The following SLC25A28 variants were observed in gnomAD, a reference collection of about 807,000 sequenced individuals.
The protein encoded by SLC25A28 is solute carrier family 25 member 28.
A neutral mutation model predicts 31.9 loss-of-function variants in SLC25A28; 10 were observed. The observed-to-expected ratio is 0.31, with a 90% CI of 0.19 to 0.53. The LOEUF is 0.53. SLC25A28 is among the 20% of genes least tolerant of loss of function. The pLI is 0.95. For missense variants in SLC25A28, 256 were observed against 490.3 expected (o/e 0.52, Z 4.51); for synonymous variants, 208 against 203.6 (o/e 1.02, Z -0.19).
chr10:99,642,189 C>G, the SLC25A28 span, among the ~76,000 whole-genome samples: 4 of 152,172 alleles, frequency 2.6e-5, no homozygotes, highest in African/African-American at 9.7e-5. Flanking sequence ...TTGATTCTTC[C>G]TATCCATGAG....
the SLC25A28 span, among the ~76,000 whole-genome samples, chr10:99,638,731 ATG>A: frequency 6.6e-6 from 1 of 152,248 alleles, no homozygotes; most frequent in Non-Finnish European, 1.5e-5. Context: ...CAAAACCACA[ATG>A]TGATACCACC....
At chr10:99,649,101 T>C in the SLC25A28 span, among the ~76,000 whole-genome samples, 1 of 152,214 alleles carries the variant, frequency 6.6e-6, no homozygotes, top group Non-Finnish European at 1.5e-5. Flanking sequence ...TTGTCATATA[T>C]GACCTTATTA....
chr10:99,621,023 C>T, upstream of SLC25A28: 2 of 973,924 alleles, frequency 2.1e-6, no homozygotes, highest in Non-Finnish European at 1.2e-6. Context: ...GAGCCGTGTT[C>T]CCGCGGGATC....
intron 1 of SLC25A28, chr10:99,617,052 C>G (rs1589997289): frequency 1.0e-6 from 1 of 985,346 alleles, no homozygotes; most frequent in East Asian, 1.1e-4. Flanking sequence ...ATTTATCTCC[C>G]TCTGCTCTTC....
chr10:99,629,571 T>G, the SLC25A28 span, among the ~76,000 whole-genome samples: 3 of 152,224 alleles, frequency 2.0e-5, no homozygotes, highest in Admixed American at 1.3e-4. Flanking sequence ...ATACATGCAA[T>G]GAATATAATT....
the SLC25A28 span, among the ~76,000 whole-genome samples, chr10:99,643,565 T>C: frequency 6.6e-6 from 1 of 152,234 alleles, no homozygotes; most frequent in African/African-American, 2.4e-5. Flanking sequence ...CTCTATCTCC[T>C]TCAGTTCTGC....
At chr10:99,641,499 T>G in the SLC25A28 span, among the ~76,000 whole-genome samples, 1 of 152,222 alleles carries the variant, frequency 6.6e-6, no homozygotes, top group African/African-American at 2.4e-5. Context: ...TGTAACAATT[T>G]TCTCCCATTC....
At chr10:99,616,114 G>T (rs1275953210) in intron 1 of SLC25A28, 1 of 985,246 alleles carries the variant, frequency 1.0e-6, no homozygotes, top group African/African-American at 1.7e-5. Flanking sequence ...ACAGAAAGAT[G>T]AAATATCTAA....
the SLC25A28 span, among the ~76,000 whole-genome samples, chr10:99,639,722 T>TACACACACAC: frequency 0.065 from 8,518 of 130,884 alleles, 342 homozygotes; most frequent in Non-Finnish European, 0.086. Flanking sequence ...GCACCATGGG[T>TACACACACAC]ACACACACAC....
chr10:99,638,620 G>A, the SLC25A28 span, among the ~76,000 whole-genome samples: 5 of 152,102 alleles, frequency 3.3e-5, no homozygotes, highest in Non-Finnish European at 7.4e-5. Context: ...CAAAAAGTGG[G>A]CTAAGGACAT....
chr10:99,624,347 C>T (rs2034846540), upstream of SLC25A28, among the ~76,000 whole-genome samples: 1 of 152,054 alleles, frequency 6.6e-6, no homozygotes, highest in South Asian at 2.1e-4. Context: ...CCTCTTGTCT[C>T]AGCTTCCCAA....
intron 2 of SLC25A28, 62 bp from the exon 3 acceptor site, chr10:99,612,661 C>T: frequency 6.4e-7 from 1 of 1,568,240 alleles, no homozygotes; most frequent in Non-Finnish European, 8.8e-7. Flanking sequence ...TCATTGAGGT[C>T]CCCCAGTGAA....
chr10:99,628,173 A>G, the SLC25A28 span, among the ~76,000 whole-genome samples: 1 of 152,226 alleles, frequency 6.6e-6, no homozygotes, highest in East Asian at 1.9e-4. Context: ...TGGGACTATG[A>G]TATGTAAGAC....
At position 99,610,920 on chromosome 10, in the gene SLC25A28, C is replaced by A. The variant is rs1383005682; in HGVS notation, c.1024G>T (p.Ala342Ser). Residue 342 changes from alanine (A) to serine (S), a missense_variant, in exon 4 of 4, where the codon GCA becomes TCA. Physicochemically the swap from Ala to Ser is moderately conservative, Grantham distance 99. Coordinates refer to ENST00000370495, the MANE Select transcript of SLC25A28 (RefSeq NM_031212.4). ...TTGAAGAACTCATACACAGACCATG[C>A]GATGGCTGTGGAGGGGATCTGGTAA... is the stretch of plus-strand genomic sequence containing the variant. ...VIYQIPSTAIAWSVYEFFKYL... is the reference protein window; with the variant it reads ...VIYQIPSTAISWSVYEFFKYL... 4 of 1,614,106 alleles carry A rather than the reference C, an allele frequency of 2.5e-6. No individual in the cohort carries two copies. In the East Asian group the frequency reaches 6.7e-5, roughly 27 times the overall value.
the SLC25A28 span, among the ~76,000 whole-genome samples, chr10:99,631,898 T>A: frequency 1.6e-4 from 19 of 117,328 alleles, 1 homozygote; most frequent in South Asian, 9.6e-4. Flanking sequence ...TTTATTTTTT[T>A]TTTTTTTTTG....
rs146386790 is a variant in SLC25A28 at position 99,615,356 on chromosome 10, C to CA, written c.292-1433dup. On this transcript the variant is annotated intron_variant, in intron 1 of 3. Coordinates refer to ENST00000370495, the MANE Select transcript of SLC25A28 (RefSeq NM_031212.4). ...GGGCAACAAGAGCAAAACTCCATCT[C>CA]AAAAAAAAAAAAAAAAAAAGCTTGA... The CA allele has an allele frequency of 2.7e-3, 2,194 of 802,296 alleles. 2 individuals carry two copies. The highest frequency in any genetic ancestry group is 6.0e-3 in the African/African-American group (246 of 40,718). The allele number at this position is 802,296 out of a possible 1,614,324, so 49.7% of individuals were successfully genotyped here.
At chr10:99,631,878 A>AT in the SLC25A28 span, among the ~76,000 whole-genome samples, 20,410 of 91,226 alleles carry the variant, frequency 0.22, 6,179 homozygotes, top group Non-Finnish European at 0.25. Flanking sequence ...TCAGTATGTT[A>AT]TTTTTTTTTT....
At chr10:99,656,213 G>GTT in the SLC25A28 span, among the ~76,000 whole-genome samples, 1 of 152,154 alleles carries the variant, frequency 6.6e-6, no homozygotes, top group Non-Finnish European at 1.5e-5. Flanking sequence ...TTTCCCAATG[G>GTT]TAACAGAATC....
At chr10:99,658,707 G>A in the SLC25A28 span, among the ~76,000 whole-genome samples, 1 of 152,132 alleles carries the variant, frequency 6.6e-6, no homozygotes, top group Admixed American at 6.5e-5. Context: ...AGAGGACGGC[G>A]GTAGGGCGGA....
Sources: gnomAD v4.1 joint callset for allele counts (sites outside exome capture counted in the v4.1 genomes callset) on GRCh38, gnomAD v4.1.1 for gene constraint, MANE v1.5 for transcripts, NCBI Gene and HGNC (gene_info 2026-07-23, HGNC 2026-07-21) for gene names.